The following ISLR2 variants were observed in gnomAD, a reference collection of about 807,000 sequenced individuals.
The protein encoded by ISLR2 is immunoglobulin superfamily containing leucine rich repeat 2.
In ISLR2, 16 loss-of-function variants were observed where a neutral mutation model predicts 25.5. That is an observed-to-expected ratio of 0.63 (90% confidence interval 0.43 to 0.95). ISLR2 has a LOEUF of 0.95. Ranked by LOEUF, ISLR2 falls within the 40% of genes least tolerant of loss-of-function variation. The pLI, the probability that ISLR2 is intolerant of heterozygous loss-of-function variation, is 0.00. For synonymous variants in ISLR2, 508 were observed against 486.6 expected, an observed-to-expected ratio of 1.04 and a Z score of -0.58; for missense variants, 883 against 1,030.7, an observed-to-expected ratio of 0.86 and a Z score of 1.96.
Position 74,136,065 on chromosome 15 carries a change from T to A in ISLR2, c.*1073T>A, listed in dbSNP as rs2072560246. The A allele has an allele frequency of 6.0e-6, 1 of 166,770 alleles. No individual in the cohort carries two copies. Among genetic ancestry groups the A allele is most frequent in the Non-Finnish European group, 1.5e-5 (1 of 68,102 alleles). 10.3% of individuals were successfully genotyped at this position (166,770 alleles called of 1,614,324 possible). On this transcript the variant is annotated 3_prime_UTR_variant, in exon 3 of 3. Coordinates refer to ENST00000453268, the MANE Select transcript of ISLR2 (RefSeq NM_020851.3). Reference sequence around the variant, plus strand: ...CTTCCCAGCCTCTGGGAAAATCGAGTGTGTGTGTCGGGGGGTAGGGAGGGA... The same window carrying A: ...CTTCCCAGCCTCTGGGAAAATCGAGAGTGTGTGTCGGGGGGTAGGGAGGGA...
chr15:74,111,295 T>A (rs1023211967), intron 2 of ISLR2, among the ~76,000 whole-genome samples: 1 of 151,780 alleles, frequency 6.6e-6, no homozygotes, highest in African/African-American at 2.4e-5. Context: ...TTTCGTTTGG[T>A]TTTTGTTTTG....
upstream of ISLR2, chr15:74,126,989 A>T (rs1180201972): frequency 6.8e-6 from 1 of 147,248 alleles, no homozygotes; most frequent in Non-Finnish European, 1.5e-5. Flanking sequence ...GGAAGTAGTG[A>T]GTGTTCAGGG....
chr15:74,100,834 C>T (rs1158809731), intron 1 of ISLR2, among the ~76,000 whole-genome samples: 1 of 151,132 alleles, frequency 6.6e-6, no homozygotes, highest in Non-Finnish European at 1.5e-5. Context: ...AGGAAAAACT[C>T]CCCACAGCTT....
rs755780779 is a variant in ISLR2 at position 74,133,783 on chromosome 15, C to A, written c.1029C>A (p.Pro343=). ...LALANGSLLV[P]LLSAKEAGVY... is the part of the protein sequence containing the mutation. ...TCGCAAATGGCTCCCTGTTGGTGCC[C>A]CTCCTGAGTGCCAAGGAGGCGGGCG... The change falls in exon 3 of 3, where the codon CCC becomes CCA. Residue 343 remains proline, a synonymous_variant. Coordinates refer to ENST00000453268, the MANE Select transcript of ISLR2 (RefSeq NM_020851.3). The A allele has an allele frequency of 1.2e-6, 2 of 1,613,796 alleles. No homozygotes were observed. Among genetic ancestry groups the A allele is most frequent in the Admixed American group, 3.3e-5 (2 of 59,978 alleles).
chr15:74,102,690 T>G (rs2072089492), intron 1 of ISLR2, among the ~76,000 whole-genome samples: 1 of 151,916 alleles, frequency 6.6e-6, no homozygotes, highest in South Asian at 2.1e-4. Flanking sequence ...AAACCACTAA[T>G]GTAGGGAAAT....
upstream of ISLR2, chr15:74,126,803 T>C (rs550764026): frequency 6.6e-6 from 1 of 152,426 alleles, no homozygotes; most frequent in African/African-American, 2.4e-5. Context: ...GGAGGGAGTA[T>C]AAACAGGGCC....
At chr15:74,120,466 G>T (rs1354261922) in intron 2 of ISLR2, among the ~76,000 whole-genome samples, 2 of 149,296 alleles carry the variant, frequency 1.3e-5, no homozygotes, top group Admixed American at 1.3e-4. Flanking sequence ...AGGTTGCAGT[G>T]AGTCGAGATT....
Position 74,135,044 on chromosome 15 carries a change from G to T in ISLR2, c.*52G>T. The T allele has an allele frequency of 1.3e-6, 2 of 1,580,930 alleles. No homozygotes were observed. Among genetic ancestry groups the T allele is most frequent in the South Asian group, 2.3e-5 (2 of 85,414 alleles). On this transcript the variant is annotated 3_prime_UTR_variant, in exon 3 of 3. Coordinates refer to ENST00000453268, the MANE Select transcript of ISLR2 (RefSeq NM_020851.3). ...CCCGACCTCCACCTAGGGTGCCTGG[G>T]AGCAGCAGTCTAGGGCTGGCAGGAC...
intron 2 of ISLR2, among the ~76,000 whole-genome samples, chr15:74,104,554 G>T (rs2072105480): frequency 6.6e-6 from 1 of 152,112 alleles, no homozygotes; most frequent in African/African-American, 2.4e-5. Flanking sequence ...AGGTCACATT[G>T]GGAGGATCTC....
rs1311835625 is a variant in ISLR2, at chr15:74,136,220, C to G, written c.*1228C>G. Reference sequence around the variant, plus strand: ...GTGTTGGGCTTTCCGGAGGTCTGTGCGCCCAACAGCGCCGCTCCCGCGGCT... The same window carrying G: ...GTGTTGGGCTTTCCGGAGGTCTGTGGGCCCAACAGCGCCGCTCCCGCGGCT... On this transcript the variant is annotated 3_prime_UTR_variant, in exon 3 of 3. Coordinates refer to ENST00000453268, the MANE Select transcript of ISLR2 (RefSeq NM_020851.3). 6.0e-6 allele frequency: 1 copy of G among 166,672 alleles called. No individual in the cohort carries two copies. The highest frequency in any genetic ancestry group is 1.9e-4 in the East Asian group (1 of 5,198). The allele number at this position is 166,672 out of a possible 1,614,324, so 10.3% of individuals were successfully genotyped here.
rs1161345199 is a variant in ISLR2, at chr15:74,135,469, T to C, written c.*477T>C. 1 of 167,814 alleles carries C rather than the reference T, an allele frequency of 6.0e-6. No homozygotes were observed. Among genetic ancestry groups the C allele is most frequent in the Non-Finnish European group, 1.5e-5 (1 of 68,870 alleles). 10.4% of individuals were successfully genotyped at this position (167,814 alleles called of 1,614,324 possible). ...ACCTCGACCCCTCCTCCTCCCTTTC[T>C]TTCTTTCCTTTTTTTTTATTTTTTA... On this transcript the variant is annotated 3_prime_UTR_variant, in exon 3 of 3. Coordinates refer to ENST00000453268, the MANE Select transcript of ISLR2 (RefSeq NM_020851.3).
At chr15:74,128,779 A>G (rs984513608), upstream of ISLR2, 1 of 427,864 alleles carries the variant, frequency 2.3e-6, no homozygotes, top group Non-Finnish European at 4.6e-6. Context: ...CCTGCCTCCA[A>G]ATATCCTTCC....
At chr15:74,123,178 A>G (rs2141938729), upstream of ISLR2, among the ~76,000 whole-genome samples, 1 of 152,264 alleles carries the variant, frequency 6.6e-6, no homozygotes, top group South Asian at 2.1e-4. Flanking sequence ...AGAGCAGTGC[A>G]CAGCAGTTTG....
At chr15:74,126,894 A>G (rs866676330), upstream of ISLR2, 3 of 113,336 alleles carry the variant, frequency 2.6e-5, no homozygotes, top group Admixed American at 9.1e-5. Flanking sequence ...TGGAGAGAAC[A>G]TTTGTGTGTG....
downstream of ISLR2, among the ~76,000 whole-genome samples, chr15:74,140,989 T>C (rs1454244162): frequency 1.3e-5 from 2 of 152,242 alleles, no homozygotes; most frequent in Admixed American, 1.3e-4. Context: ...AGACTTGATA[T>C]GGATTTTTTA....
Position 74,133,842 on chromosome 15 carries a change from C to T in ISLR2, c.1088C>T (p.Ala363Val). ...YTCRAHNELG[A>V]NSTSIRVAVA... ...TGCCGTGCACACAATGAGCTGGGCG[C>T]CAACTCTACGTCAATACGCGTGGCG... The change falls in exon 3 of 3, where the codon GCC becomes GTC. Residue 363 changes from alanine to valine, a missense_variant. This residue lies in a region of ISLR2 where 612 missense variants were observed against 642.8 expected (regional missense o/e 0.95). Transcript: ENST00000453268. The T allele has an allele frequency of 6.2e-7, 1 of 1,613,596 alleles. No individual in the cohort carries two copies. Among genetic ancestry groups the T allele is most frequent in the Non-Finnish European group, 8.5e-7 (1 of 1,179,878 alleles).
chr15:74,120,645 T>C (rs987853925), intron 2 of ISLR2, among the ~76,000 whole-genome samples: 5 of 151,486 alleles, frequency 3.3e-5, no homozygotes, highest in African/African-American at 9.7e-5. Flanking sequence ...GCTGTGTGTG[T>C]GTGGAAGTTA....
chr15:74,130,209 C>CG (rs1254116573), upstream of ISLR2: 4 of 1,246 alleles, frequency 3.2e-3, no homozygotes, highest in South Asian at 0.05. Flanking sequence ...GCAGGCGGGG[C>CG]GGGGGGGTTG....
rs915871100 is a variant in ISLR2 at position 74,135,663 on chromosome 15, A to C, written c.*671A>C. The C allele has an allele frequency of 1.3e-5, 2 of 152,536 alleles. No homozygotes were observed. The highest frequency in any genetic ancestry group is 4.8e-5 in the African/African-American group (2 of 41,274). 9.4% of individuals were successfully genotyped at this position (152,536 alleles called of 1,614,324 possible). On this transcript the variant is annotated 3_prime_UTR_variant, in exon 3 of 3. Transcript: ENST00000453268. ...ACTACAGGCGCGCGCCACCACGACC[A>C]GCTAATTTCTTCTATTTTTAGTAGA...
Sources: allele counts gnomAD v4.1 joint callset (sites outside exome capture counted in the v4.1 genomes callset), GRCh38; gene constraint gnomAD v4.1.1; regional missense constraint gnomAD v4.1.1; transcripts MANE v1.5; gene names NCBI Gene and HGNC (gene_info 2026-07-23, HGNC 2026-07-21).